Variants in UCHL3 observed in about 807,000 individuals in gnomAD.
The protein encoded by UCHL3 is ubiquitin C-terminal hydrolase L3, also known as ubiquitin carboxyl-terminal hydrolase isozyme L3.
UCHL3 carries 22 observed loss-of-function variants against 35.8 expected under a neutral mutation model. The ratio of observed to expected loss-of-function variants is 0.61; its 90% CI spans 0.44 to 0.88. The LOEUF (loss-of-function observed/expected upper bound fraction) is 0.88. Ranked by LOEUF, UCHL3 falls within the 40% of genes least tolerant of loss-of-function variation. UCHL3 has a pLI of 0.00. For synonymous variants in UCHL3, 90 were observed against 92.8 expected, an observed-to-expected ratio of 0.97 and a Z score of 0.17; for missense variants, 229 against 276.9, an observed-to-expected ratio of 0.83 and a Z score of 1.23.
intron 6 of UCHL3, among the ~76,000 whole-genome samples, chr13:75,588,546 TTGAC>T (rs1399208760): frequency 1.3e-5 from 2 of 152,170 alleles, no homozygotes; most frequent in African/African-American, 4.8e-5. Flanking sequence ...GTATTTTTGA[TTGAC>T]TGATTCTTAT....
chr13:75,554,718 T>TC (rs2031233872), intron 2 of UCHL3, among the ~76,000 whole-genome samples: 1 of 152,206 alleles, frequency 6.6e-6, no homozygotes, highest in African/African-American at 2.4e-5. Flanking sequence ...CTACTGGTCT[T>TC]CCAATGCTTG....
At chr13:75,591,216 C>T (rs924650761) in intron 6 of UCHL3, among the ~76,000 whole-genome samples, 1 of 152,284 alleles carries the variant, frequency 6.6e-6, no homozygotes, top group South Asian at 2.1e-4. Context: ...TGGTATCTTT[C>T]CTTAAATATT....
rs1440265286 is a variant in UCHL3, at chr13:75,603,991, A to AT, written c.551-771dup. On this transcript the variant is annotated intron_variant, in intron 7 of 8. Coordinates refer to ENST00000377595, the MANE Select transcript of UCHL3 (RefSeq NM_006002.5). ...TGAATTTATGTGTTGATTTTCATTC[A>AT]TTTTTTTAAAAAAAATCTAACAACC... Among the ~76,000 whole-genome samples the AT allele has an allele frequency of 7.2e-5, 11 of 152,168 alleles. No homozygotes were observed. The South Asian group carries it at 1.9e-3, about 26-fold the overall frequency.
intron 6 of UCHL3, among the ~76,000 whole-genome samples, chr13:75,590,917 A>G (rs772457948): frequency 1.3e-5 from 2 of 152,220 alleles, no homozygotes; most frequent in Non-Finnish European, 2.9e-5. Flanking sequence ...ATTGAGATAC[A>G]CTACAGAATT....
intron 6 of UCHL3, among the ~76,000 whole-genome samples, chr13:75,592,425 T>TATATGTATATAC (rs1172818362): frequency 1.1e-4 from 7 of 63,450 alleles, no homozygotes; most frequent in African/African-American, 4.3e-4. Context: ...CATATATATA[T>TATATGTATATAC]ATATATATAT....
In UCHL3 at chr13:75,549,793, C is replaced by T. The variant is rs758831328; in HGVS notation, c.-28C>T. The T allele has an allele frequency of 2.7e-6, 4 of 1,505,130 alleles. No individual in the cohort carries two copies. The highest frequency in any genetic ancestry group is 2.1e-4 in the Middle Eastern group (1 of 4,836). 93.2% of individuals were successfully genotyped at this position (1,505,130 alleles called of 1,614,324 possible). On this transcript the variant is annotated 5_prime_UTR_variant, in exon 1 of 9. Transcript: ENST00000377595. ...CGGCGGCGGCGAAGGCGGCGGCTGTCAGAGCTGGAGGGCCGGGCACCGCGG... is the reference window on the plus strand; with the variant it reads ...CGGCGGCGGCGAAGGCGGCGGCTGTTAGAGCTGGAGGGCCGGGCACCGCGG...
chr13:75,595,373 G>A (rs2032616672), intron 7 of UCHL3, among the ~76,000 whole-genome samples: 1 of 151,788 alleles, frequency 6.6e-6, no homozygotes, highest in African/African-American at 2.4e-5. Flanking sequence ...TGAGGCAGGC[G>A]GATAACCTGA....
At position 75,566,801 on chromosome 13, in the gene UCHL3, C is replaced by CA; in HGVS notation, c.292dup (p.Ile98AsnfsTer11). 1 of 1,610,614 alleles carries CA rather than the reference C, an allele frequency of 6.2e-7. No homozygotes were observed. Among genetic ancestry groups the CA allele is most frequent in the Non-Finnish European group, 8.5e-7 (1 of 1,178,860 alleles). On this transcript the variant is annotated frameshift_variant, in exon 4 of 9. Coordinates refer to ENST00000377595, the MANE Select transcript of UCHL3 (RefSeq NM_006002.5). LOFTEE classifies it high-confidence loss of function. The stretch of plus-strand genomic sequence containing the variant: ...CAAACAATCAGCAATGCCTGTGGAA[C>CA]AATTGGACTGATTCATGCTATTGCA...
At chr13:75,558,290 C>A (rs1374168605) in intron 2 of UCHL3, among the ~76,000 whole-genome samples, 1 of 152,190 alleles carries the variant, frequency 6.6e-6, no homozygotes, top group Non-Finnish European at 1.5e-5. Context: ...ATTGGTATCA[C>A]TACAGTGGCT....
At chr13:75,554,078 G>T (rs2031207928) in intron 2 of UCHL3, among the ~76,000 whole-genome samples, 1 of 151,942 alleles carries the variant, frequency 6.6e-6, no homozygotes, top group South Asian at 2.1e-4. Context: ...CTTTTTTAAA[G>T]ACAGGGTCTT....
chr13:75,550,130 C>T (rs1248163267), intron 2 of UCHL3, 143 bp downstream of exon 2: 66 of 1,335,444 alleles, frequency 4.9e-5, no homozygotes, highest in Non-Finnish European at 6.6e-5. Context: ...TTACGCGGGT[C>T]CGCCCCTTTC....
At chr13:75,550,719 TG>T (rs2031065086) in intron 2 of UCHL3, among the ~76,000 whole-genome samples, 2 of 56,374 alleles carry the variant, frequency 3.5e-5, no homozygotes, top group Non-Finnish European at 6.4e-5. Context: ...TATTTTACCC[TG>T]TTTTTTTTTT....
At chr13:75,597,424 A>G (rs2032671689) in intron 7 of UCHL3, among the ~76,000 whole-genome samples, 1 of 152,212 alleles carries the variant, frequency 6.6e-6, no homozygotes, top group Admixed American at 6.5e-5. Flanking sequence ...AAGTCATTTC[A>G]AAGTTCAATT....
intron 6 of UCHL3, among the ~76,000 whole-genome samples, chr13:75,573,547 G>A (rs1817357004): frequency 6.6e-6 from 1 of 152,104 alleles, no homozygotes. Flanking sequence ...GTCCCTTCCT[G>A]GCTTGTAGAC....
intron 2 of UCHL3, among the ~76,000 whole-genome samples, chr13:75,552,033 T>C (rs201092998): frequency 7.8e-5 from 4 of 51,168 alleles, no homozygotes; most frequent in Non-Finnish European, 2.6e-4. Flanking sequence ...ATACATGGAA[T>C]AGTGACAGGA....
In UCHL3 at chr13:75,556,852, T is replaced by C. The variant is rs147771446; in HGVS notation, c.55-3901T>C. Among the ~76,000 whole-genome samples, 133 of 152,320 alleles carry C rather than the reference T, an allele frequency of 8.7e-4. 1 individual carries two copies. The highest frequency in any genetic ancestry group is 3.2e-3 in the African/African-American group (131 of 41,582). On this transcript the variant is annotated intron_variant, in intron 2 of 8. Transcript: ENST00000377595. ...AATAGGTGCCATAGTGTTCAGATCC[T>C]TGCATGTGAGTTCTGGCAGGTGGCC...
At chr13:75,579,824 G>A (rs1424665475) in intron 6 of UCHL3, among the ~76,000 whole-genome samples, 2 of 152,116 alleles carry the variant, frequency 1.3e-5, no homozygotes, top group Non-Finnish European at 2.9e-5. Context: ...AGAGGGTAAT[G>A]TTAGGATATA....
At chr13:75,564,861 A>G (rs2031634682) in intron 3 of UCHL3, among the ~76,000 whole-genome samples, 1 of 151,924 alleles carries the variant, frequency 6.6e-6, no homozygotes, top group Non-Finnish European at 1.5e-5. Flanking sequence ...ACACCTGGCT[A>G]ATTTTTGTAT....
upstream of UCHL3, chr13:75,549,722 G>A (rs531040642): frequency 3.1e-4 from 422 of 1,357,254 alleles, 5 homozygotes; most frequent in East Asian, 0.01. Context: ...TCCTCCGGGC[G>A]GTGTGTTGGG....
Sources: gnomAD v4.1 joint callset for allele counts (sites outside exome capture counted in the v4.1 genomes callset) on GRCh38, gnomAD v4.1.1 for gene constraint, MANE v1.5 for transcripts, NCBI Gene and HGNC (gene_info 2026-07-23, HGNC 2026-07-21) for gene names.